AUH: variants seen among roughly 807,000 people sequenced by gnomAD.
AUH encodes the protein AU RNA binding methylglutaconyl-CoA hydratase.
Under a neutral mutation model 42.3 loss-of-function variants are expected in AUH, and 29 were observed. The ratio of observed to expected loss-of-function variants is 0.69; its 90% CI spans 0.51 to 0.93. The LOEUF (loss-of-function observed/expected upper bound fraction) is 0.93, where lower values mean the gene tolerates loss of function less well. Among genes scored for constraint, AUH ranks in the 40% least tolerant of loss-of-function variants. The pLI, the probability that AUH is intolerant of heterozygous loss-of-function variation, is 0.00. For synonymous variants in AUH, 174 were observed against 166.4 expected (o/e 1.05, Z -0.35); for missense variants, 452 against 438.1 (o/e 1.03, Z -0.28).
At chr9:91,306,573 A>G (rs1828239628) in intron 4 of AUH, among the ~76,000 whole-genome samples, 1 of 152,234 alleles carries the variant, frequency 6.6e-6, no homozygotes, top group South Asian at 2.1e-4. Flanking sequence ...CAGGATTAGC[A>G]TCACCTGTAA....
chr9:91,286,613 T>C lies in AUH; in HGVS notation c.655+9408A>G, dbSNP rs574490629. 1.4e-3 allele frequency among the ~76,000 whole-genome samples: 218 copies of C among 152,100 alleles called. 1 individual carries two copies. Among genetic ancestry groups the C allele is most frequent in the Non-Finnish European group, 2.3e-3 (154 of 67,986 alleles). On this transcript the variant is annotated intron_variant, in intron 6 of 9. Transcript: ENST00000375731. Reference sequence around the variant, plus strand: ...TAAACACAAAATGAAACATGCAGCATTGACATTTTAATGTTGTTGGCAAAA... The same window carrying C: ...TAAACACAAAATGAAACATGCAGCACTGACATTTTAATGTTGTTGGCAAAA...
chr9:91,294,470 C>T (rs1827156179), intron 6 of AUH, among the ~76,000 whole-genome samples: 2 of 152,184 alleles, frequency 1.3e-5, no homozygotes, highest in South Asian at 2.1e-4. Context: ...ATCCCTTGAA[C>T]CGGGGAGGCA....
chr9:91,259,152 T>G (rs1829567040), intron 6 of AUH, among the ~76,000 whole-genome samples: 1 of 152,168 alleles, frequency 6.6e-6, no homozygotes, highest in Admixed American at 6.5e-5. Flanking sequence ...TGCTCAGAGC[T>G]TTCTTTGTGG....
chr9:91,233,915 T>G (rs948401457), intron 6 of AUH, among the ~76,000 whole-genome samples: 4 of 152,192 alleles, frequency 2.6e-5, no homozygotes, highest in African/African-American at 9.7e-5. Context: ...TCAGGGTTAT[T>G]TTTAACACCA....
intron 1 of AUH, chr9:91,357,500 C>A: frequency 2.1e-6 from 2 of 966,736 alleles, no homozygotes; most frequent in South Asian, 4.8e-5. Flanking sequence ...GATCAGCAGC[C>A]ATGGAACTAG....
At position 91,244,374 on chromosome 9, in the gene AUH, C is replaced by G. The variant is rs143320126; in HGVS notation, c.656-23382G>C. On this transcript the variant is annotated intron_variant, in intron 6 of 9. Transcript: ENST00000375731. The stretch of plus-strand genomic sequence containing the variant: ...GGGATAACTTCACAAAATTGGCCAC[C>G]TGTAGACTTCCTAGTTACTGAATTT... Among the ~76,000 whole-genome samples, 91 of 152,310 alleles carry G rather than the reference C, an allele frequency of 6.0e-4. 1 individual carries two copies. Among genetic ancestry groups the G allele is most frequent in the African/African-American group, 2.1e-3 (86 of 41,570 alleles).
chr9:91,339,279 T>C (rs1830923250), intron 3 of AUH, among the ~76,000 whole-genome samples: 1 of 152,218 alleles, frequency 6.6e-6, no homozygotes, highest in Non-Finnish European at 1.5e-5. Flanking sequence ...TTTTGCACCA[T>C]CGTAAATTGA....
At chr9:91,311,772 G>A (rs982762480) in intron 4 of AUH, among the ~76,000 whole-genome samples, 3 of 152,154 alleles carry the variant, frequency 2.0e-5, no homozygotes, top group Admixed American at 2.0e-4. Flanking sequence ...GAAGGAAGGT[G>A]CACACCAGGA....
chr9:91,326,304 T>C (rs1450669964), intron 3 of AUH, among the ~76,000 whole-genome samples: 2 of 152,138 alleles, frequency 1.3e-5, no homozygotes, highest in African/African-American at 2.4e-5. Context: ...AGAACCTCAG[T>C]TGACAAAGCA....
chr9:91,285,563 T>C (rs1301926115), intron 6 of AUH, among the ~76,000 whole-genome samples: 1 of 117,872 alleles, frequency 8.5e-6, no homozygotes, highest in East Asian at 2.1e-4. Context: ...ACAACAACAG[T>C]ATTATAAAGG....
intron 6 of AUH, among the ~76,000 whole-genome samples, chr9:91,222,240 A>C (rs1312322758): frequency 6.6e-6 from 1 of 152,258 alleles, no homozygotes; most frequent in African/African-American, 2.4e-5. Context: ...GAAAAGTGGA[A>C]AAAAATTAAA....
At chr9:91,361,077 G>T (rs965584054) in intron 1 of AUH, among the ~76,000 whole-genome samples, 2 of 152,096 alleles carry the variant, frequency 1.3e-5, no homozygotes, top group African/African-American at 4.8e-5. Context: ...CCAGAGCTGA[G>T]GAAAATAAAA....
chr9:91,265,400 G>A (rs1471127444), intron 6 of AUH, among the ~76,000 whole-genome samples: 1 of 144,584 alleles, frequency 6.9e-6, no homozygotes, highest in African/African-American at 2.6e-5. Context: ...GCTCTTTTTT[G>A]TAATATCATT....
chr9:91,338,300 G>C (rs976222107), intron 3 of AUH, among the ~76,000 whole-genome samples: 3 of 152,140 alleles, frequency 2.0e-5, no homozygotes, highest in African/African-American at 7.2e-5. Context: ...TCTTCAATAG[G>C]ATCAGATTAG....
intron 4 of AUH, among the ~76,000 whole-genome samples, chr9:91,306,978 G>A (rs540925938): frequency 8.6e-5 from 13 of 152,022 alleles, no homozygotes; most frequent in Non-Finnish European, 1.9e-4. Context: ...AAAAAAAAGC[G>A]AATACATACA....
chr9:91,287,432 A>G (rs1826506688), intron 6 of AUH, among the ~76,000 whole-genome samples: 1 of 152,188 alleles, frequency 6.6e-6, no homozygotes, highest in Non-Finnish European at 1.5e-5. Flanking sequence ...CACTTGTGAG[A>G]AAAGTGACAG....
chr9:91,214,024 C>T lies in AUH; in HGVS notation c.*324G>A. 7.3e-6 allele frequency: 2 copies of T among 273,916 alleles called. No individual in the cohort carries two copies. Among genetic ancestry groups the T allele is most frequent in the Non-Finnish European group, 1.4e-5 (2 of 140,880 alleles). 17.0% of individuals were successfully genotyped at this position (273,916 alleles called of 1,614,324 possible). A position where few individuals can be genotyped will look rare whatever the true frequency, so the allele number is the denominator to read the frequency against. On this transcript the variant is annotated 3_prime_UTR_variant, in exon 10 of 10. Coordinates refer to ENST00000375731, the MANE Select transcript of AUH (RefSeq NM_001698.3). ...AGTAGACATACAATCAATATTATTC[C>T]CTAGAATGTGCAATATATAAATTAT...
At chr9:91,357,553 T>C in intron 1 of AUH, 1 of 909,016 alleles carries the variant, frequency 1.1e-6, no homozygotes, top group African/African-American at 1.8e-5. Flanking sequence ...ATAGAAATCA[T>C]TAATAATCAT....
chr9:91,251,582 T>C (rs1184204887), intron 6 of AUH, among the ~76,000 whole-genome samples: 1 of 152,006 alleles, frequency 6.6e-6, no homozygotes, highest in African/African-American at 2.4e-5. Context: ...TGATATAAGC[T>C]CCCAAAGAGC....
Sources: gnomAD v4.1 joint callset for allele counts (sites outside exome capture counted in the v4.1 genomes callset) on GRCh38, gnomAD v4.1.1 for gene constraint, MANE v1.5 for transcripts, NCBI Gene and HGNC (gene_info 2026-07-23, HGNC 2026-07-21) for gene names.